The following PTPRE variants were observed in gnomAD, a reference collection of about 807,000 sequenced individuals.
PTPRE encodes the protein receptor-type tyrosine-protein phosphatase epsilon.
A neutral mutation model predicts 102.0 loss-of-function variants in PTPRE; 51 were observed. That is an observed-to-expected ratio of 0.50 (90% CI 0.40 to 0.63). PTPRE has a LOEUF of 0.63. Among genes scored for constraint, PTPRE ranks in the 30% least tolerant of loss-of-function variants. The pLI, the probability that PTPRE is intolerant of heterozygous loss-of-function variation, is 0.00. For missense variants in PTPRE, 752 were observed against 915.1 expected (o/e 0.82, Z 2.30); for synonymous variants, 345 against 348.2 (o/e 0.99, Z 0.10).
intron 2 of PTPRE, among the ~76,000 whole-genome samples, chr10:128,015,790 G>A (rs566916246): frequency 1.4e-4 from 22 of 152,284 alleles, no homozygotes; most frequent in Admixed American, 1.4e-3. Context: ...CAACCTGGGG[G>A]ACAGAGCAAG....
At chr10:127,982,612 G>C (rs541972490) in intron 2 of PTPRE, among the ~76,000 whole-genome samples, 1 of 151,008 alleles carries the variant, frequency 6.6e-6, no homozygotes, top group Non-Finnish European at 1.5e-5. Context: ...CTGACGTGTC[G>C]TTGCTTTTAA....
intron 3 of PTPRE, among the ~76,000 whole-genome samples, chr10:128,046,797 G>C (rs1590127015): frequency 6.6e-6 from 1 of 152,164 alleles, no homozygotes; most frequent in Non-Finnish European, 1.5e-5. Flanking sequence ...TCTCTTTCTG[G>C]GTGAGGAAGG....
intron 1 of PTPRE, among the ~76,000 whole-genome samples, chr10:127,968,911 A>G (rs1239670903): frequency 1.3e-5 from 2 of 152,240 alleles, no homozygotes; most frequent in Non-Finnish European, 2.9e-5. Flanking sequence ...ATGAAACACA[A>G]TGGCTTATAT....
At position 127,907,129 on chromosome 10, in the gene PTPRE, C is replaced by CGGCGG; in HGVS notation, c.-211_-210insGGCGG. The CGGCGG allele has an allele frequency of 2.9e-6, 1 of 339,244 alleles. No homozygotes were observed. The highest frequency in any genetic ancestry group is 4.2e-6 in the Non-Finnish European group (1 of 239,786). 21.0% of individuals were successfully genotyped at this position (339,244 alleles called of 1,614,324 possible). The stretch of plus-strand genomic sequence containing the variant: ...GACAAATTTCCTGCTAGGCTGCGGA[C>CGGCGG]AGCGGGCGGCAGGAGCCGGCGCGAG... On this transcript the variant is annotated 5_prime_UTR_variant, in exon 1 of 21. Transcript: ENST00000254667. This position sits in a 1 kb window ranked among gnomAD's most constrained non-coding sequence, Gnocchi z 4.8.
chr10:128,084,989 T>C lies in PTPRE; in HGVS notation c.*2083T>C, dbSNP rs1851991377. 2 of 392,708 alleles carry C rather than the reference T, an allele frequency of 5.1e-6. No individual in the cohort carries two copies. The highest frequency in any genetic ancestry group is 1.0e-5 in the Non-Finnish European group (2 of 194,802). The allele number at this position is 392,708 out of a possible 1,614,324, so 24.3% of individuals were successfully genotyped here. A position where few individuals can be genotyped will look rare whatever the true frequency, so the allele number is the denominator to read the frequency against. On this transcript the variant is annotated 3_prime_UTR_variant, in exon 21 of 21. Transcript: ENST00000254667. ...GGGTGCCCTCAGGAAAGGGCCCTGC[T>C]CATGTTTTTTTCCTGTCCCCTTAGA...
chr10:127,935,587 T>C (rs1229930128), intron 1 of PTPRE, among the ~76,000 whole-genome samples: 3 of 152,026 alleles, frequency 2.0e-5, no homozygotes, highest in Non-Finnish European at 2.9e-5. Flanking sequence ...CCCTTTCATC[T>C]CCCTGGCAGG....
intron 2 of PTPRE, among the ~76,000 whole-genome samples, chr10:128,012,073 AC>A (rs1451585620): frequency 2.0e-5 from 3 of 152,052 alleles, no homozygotes; most frequent in Non-Finnish European, 4.4e-5. Flanking sequence ...CTGGGTGTGA[AC>A]CCAGGTCCAC....
At chr10:127,997,479 T>C (rs1853389699) in intron 2 of PTPRE, among the ~76,000 whole-genome samples, 1 of 152,148 alleles carries the variant, frequency 6.6e-6, no homozygotes, top group South Asian at 2.1e-4. Flanking sequence ...AGCACTTGAA[T>C]AGTACATCCT....
chr10:127,983,404 T>C (rs1851802683), intron 2 of PTPRE, among the ~76,000 whole-genome samples: 1 of 152,198 alleles, frequency 6.6e-6, no homozygotes, highest in African/African-American at 2.4e-5. Context: ...GGAACTCTTC[T>C]TGGGTAAATG....
Position 128,070,597 on chromosome 10 carries a change from T to A in PTPRE, c.1293+147T>A. The A allele has an allele frequency of 8.0e-7, 1 of 1,246,144 alleles. No individual in the cohort carries two copies. Among genetic ancestry groups the A allele is most frequent in the Non-Finnish European group, 1.1e-6 (1 of 915,056 alleles). 77.2% of individuals were successfully genotyped at this position (1,246,144 alleles called of 1,614,324 possible). ...CAGGGGCAATACCTGAGCCATGATT[T>A]ACAAGGGAAGAAGGATCAGGTGGCT... On this transcript the variant is annotated intron_variant, in intron 14 of 20. Coordinates refer to ENST00000254667, the MANE Select transcript of PTPRE (RefSeq NM_006504.6). This position sits in a 1 kb window ranked among gnomAD's most constrained non-coding sequence, Gnocchi z 4.8.
chr10:128,071,138 T>C (rs369158020), intron 15 of PTPRE: 111 of 528,530 alleles, frequency 2.1e-4, no homozygotes, highest in African/African-American at 1.9e-3. Context: ...CTGCTTCGGA[T>C]ATGAGCTTGC....
intron 12 of PTPRE, 191 bp from the exon 13 acceptor site, chr10:128,069,499 CAG>C: frequency 1.5e-6 from 1 of 665,894 alleles, no homozygotes; most frequent in Non-Finnish European, 2.5e-6. Flanking sequence ...CGGTGGCTAT[CAG>C]AGGACCGGCC....
At chr10:127,946,322 C>G (rs1423150225) in intron 1 of PTPRE, among the ~76,000 whole-genome samples, 1 of 152,192 alleles carries the variant, frequency 6.6e-6, no homozygotes, top group Non-Finnish European at 1.5e-5. Context: ...TGTGGCCGAT[C>G]CTGCTCAAGG....
chr10:128,065,903 C>T lies in PTPRE; in HGVS notation c.724-172C>T, dbSNP rs961746440. Among the ~76,000 whole-genome samples, 4 of 152,216 alleles carry T rather than the reference C, an allele frequency of 2.6e-5. No homozygotes were observed. In the South Asian group the frequency reaches 8.3e-4, roughly 31 times the overall value. ...TTTCAAGGCTGCTGTTCACCAGTTA[C>T]GCAGCCTCAGTTTCCCCATTCAAGA... is the stretch of plus-strand genomic sequence containing the variant. On this transcript the variant is annotated intron_variant, in intron 10 of 20. Transcript: ENST00000254667.
At chr10:128,001,940 C>T (rs1853951972) in intron 2 of PTPRE, among the ~76,000 whole-genome samples, 1 of 152,234 alleles carries the variant, frequency 6.6e-6, no homozygotes, top group Non-Finnish European at 1.5e-5. Context: ...CAGTAAACCC[C>T]ATGACCCTTT....
intron 1 of PTPRE, among the ~76,000 whole-genome samples, chr10:127,956,303 A>G (rs1319403303): frequency 6.6e-6 from 1 of 152,144 alleles, no homozygotes; most frequent in African/African-American, 2.4e-5. Context: ...TTTGAGTCCA[A>G]GTGGACTAGA....
At chr10:128,069,575 A>T in intron 12 of PTPRE, 117 bp from the exon 13 acceptor site, 1 of 1,407,862 alleles carries the variant, frequency 7.1e-7, no homozygotes, top group Non-Finnish European at 9.7e-7. Flanking sequence ...GCTCCTAATT[A>T]ACCAAAAAAA....
chr10:127,930,215 G>A (rs1847324921), intron 1 of PTPRE, among the ~76,000 whole-genome samples: 1 of 151,334 alleles, frequency 6.6e-6, no homozygotes, highest in Admixed American at 6.6e-5. Context: ...TAACACTATC[G>A]AGACATGCAC....
chr10:128,003,374 A>G (rs55914112), intron 2 of PTPRE, among the ~76,000 whole-genome samples: 11,809 of 152,274 alleles, frequency 0.078, 653 homozygotes, highest in South Asian at 0.13. Context: ...CTTTGGGAAA[A>G]GAGATGTTAA....
Sources: allele counts gnomAD v4.1 joint callset (sites outside exome capture counted in the v4.1 genomes callset), GRCh38; gene constraint gnomAD v4.1.1; non-coding constraint Gnocchi (gnomAD v3.1); transcripts MANE v1.5; gene names NCBI Gene and HGNC (gene_info 2026-07-23, HGNC 2026-07-21).